DNAH6: variants seen among roughly 807,000 people sequenced by gnomAD.
DNAH6 encodes the protein axonemal beta dynein heavy chain 6.
A neutral mutation model predicts 491.4 loss-of-function variants in DNAH6; 340 were observed. The observed-to-expected ratio is 0.69, with a 90% confidence interval of 0.63 to 0.76. The LOEUF is 0.76. Among genes scored for constraint, DNAH6 ranks in the 30% least tolerant of loss-of-function variants. The pLI is 0.00. For missense variants in DNAH6, 4,443 were observed against 4,972.2 expected, an observed-to-expected ratio of 0.89 and a Z score of 3.20; for synonymous variants, 1,603 against 1,686.1, an observed-to-expected ratio of 0.95 and a Z score of 1.21.
intron 4 of DNAH6, among the ~76,000 whole-genome samples, chr2:84,537,274 T>C (rs1000715428): frequency 4.6e-5 from 7 of 152,086 alleles, no homozygotes; most frequent in Non-Finnish European, 8.8e-5. Context: ...TATAAATACC[T>C]TATGGGGAGT....
At chr2:84,804,569 C>G (rs1156377997) in intron 70 of DNAH6, among the ~76,000 whole-genome samples, 2 of 151,398 alleles carry the variant, frequency 1.3e-5, no homozygotes, top group Admixed American at 6.6e-5. Flanking sequence ...TTATATTTTT[C>G]TACCTTCAAA....
chr2:84,764,901 G>A (rs924990461), intron 64 of DNAH6, among the ~76,000 whole-genome samples: 35 of 151,946 alleles, frequency 2.3e-4, no homozygotes, highest in Admixed American at 1.3e-3. Flanking sequence ...CAGAAACATT[G>A]TTTGTAATAA....
intron 32 of DNAH6, 81 bp downstream of exon 32, chr2:84,640,659 C>T: frequency 7.6e-7 from 1 of 1,313,008 alleles, no homozygotes; most frequent in Non-Finnish European, 1.0e-6. Context: ...GAAAGGCTCT[C>T]AGAGAGTAAC....
At chr2:84,815,237 A>T (rs146637904) in intron 75 of DNAH6, among the ~76,000 whole-genome samples, 1 of 152,390 alleles carries the variant, frequency 6.6e-6, no homozygotes, top group Non-Finnish European at 1.5e-5. Flanking sequence ...TTTATTCACT[A>T]TAAAATGCAC....
chr2:84,616,849 C>A (rs773757460), intron 22 of DNAH6, 37 bp from the exon 23 acceptor site: 9 of 1,162,538 alleles, frequency 7.7e-6, no homozygotes, highest in African/African-American at 4.9e-5. Context: ...TTGATTTTAA[C>A]ACAGTTTTAC....
At chr2:84,656,825 G>A (rs1246224903) in intron 35 of DNAH6, among the ~76,000 whole-genome samples, 1 of 151,952 alleles carries the variant, frequency 6.6e-6, no homozygotes, top group Non-Finnish European at 1.5e-5. Flanking sequence ...GTGTTTCACA[G>A]AGTAGAAGTT....
intron 9 of DNAH6, among the ~76,000 whole-genome samples, chr2:84,552,635 C>A (rs1679507615): frequency 6.6e-6 from 1 of 152,098 alleles, no homozygotes; most frequent in Admixed American, 6.5e-5. Flanking sequence ...TATCAACTTT[C>A]TATCTTCTAT....
In DNAH6 at chr2:84,681,437, G is replaced by T. The variant is rs1693765055; in HGVS notation, c.6825G>T (p.Glu2275Asp). 1.9e-6 allele frequency: 3 copies of T among 1,551,348 alleles called. No individual in the cohort carries two copies. Among genetic ancestry groups the T allele is most frequent in the South Asian group, 2.4e-5 (2 of 83,964 alleles). ...CAAGCATTGTAGAAGCCTCAGTTGA[G>T]ATTTATAACAAAATGAGTGTTGACC... ...TASSIVEASV[E>D]IYNKMSVDLL... The change falls in exon 42 of 77, where the codon GAG (glutamate) becomes GAT (aspartate). Residue 2275 changes from glutamate (E) to aspartate (D), a missense_variant. Glu to Asp is a conservative substitution (Grantham distance 45). This residue lies in a region of DNAH6 where 2,977 missense variants were observed against 3,296.6 expected (regional missense o/e 0.90). Transcript: ENST00000389394.
At chr2:84,642,395 TTTG>T (rs1689497985) in intron 33 of DNAH6, among the ~76,000 whole-genome samples, 1 of 152,172 alleles carries the variant, frequency 6.6e-6, no homozygotes, top group Non-Finnish European at 1.5e-5. Context: ...CATTTTGTTG[TTTG>T]TTGTTTAGTT....
At chr2:84,530,171 A>G (rs1363930124) in intron 4 of DNAH6, among the ~76,000 whole-genome samples, 1 of 152,200 alleles carries the variant, frequency 6.6e-6, no homozygotes, top group Non-Finnish European at 1.5e-5. Flanking sequence ...CTGACATTTT[A>G]GCAGAGGATG....
At chr2:84,689,988 C>T (rs1242248939) in intron 45 of DNAH6, among the ~76,000 whole-genome samples, 15 of 152,172 alleles carry the variant, frequency 9.9e-5, no homozygotes, top group Non-Finnish European at 2.2e-4. Context: ...TTTCTTATTG[C>T]GTGTTGGAGA....
chr2:84,801,620 A>G (rs1678921135), intron 70 of DNAH6, among the ~76,000 whole-genome samples: 2 of 152,206 alleles, frequency 1.3e-5, no homozygotes, highest in Admixed American at 1.3e-4. Context: ...GCAGTGGCTC[A>G]TGCCTGTAAT....
chr2:84,531,799 A>C (rs1677199901), intron 4 of DNAH6, among the ~76,000 whole-genome samples: 1 of 152,126 alleles, frequency 6.6e-6, no homozygotes, highest in African/African-American at 2.4e-5. Flanking sequence ...AAGATGGAAG[A>C]ATTAACATAT....
the DNAH6 span, among the ~76,000 whole-genome samples, chr2:84,474,226 C>T: frequency 7.9e-5 from 12 of 152,278 alleles, no homozygotes; most frequent in African/African-American, 2.2e-4. Context: ...AATCTGTTAA[C>T]GTTCTCCATT....
chr2:84,704,902 AGG>A (rs1380401673), intron 51 of DNAH6, among the ~76,000 whole-genome samples: 16 of 152,184 alleles, frequency 1.1e-4, no homozygotes, highest in Non-Finnish European at 2.2e-4. Flanking sequence ...CATCACCACC[AGG>A]CTTCCAGGAG....
At chr2:84,817,917 C>T (rs1680648480) in intron 76 of DNAH6, among the ~76,000 whole-genome samples, 1 of 152,180 alleles carries the variant, frequency 6.6e-6, no homozygotes, top group South Asian at 2.1e-4. Context: ...TATTAATCTA[C>T]TCATCAGGGA....
At chr2:84,609,249 A>C (rs918175873) in intron 21 of DNAH6, among the ~76,000 whole-genome samples, 4 of 152,116 alleles carry the variant, frequency 2.6e-5, no homozygotes, top group African/African-American at 9.7e-5. Flanking sequence ...TTGCATTTTT[A>C]ATTTCCTTCA....
rs1377541485 is a variant in DNAH6 at position 84,670,546 on chromosome 2, T to G, written c.6454+71T>G. The G allele has an allele frequency of 2.9e-6, 3 of 1,044,310 alleles. No individual in the cohort carries two copies. The East Asian group carries it at 8.1e-5, about 28-fold the overall frequency. 64.7% of individuals were successfully genotyped at this position (1,044,310 alleles called of 1,614,324 possible). On this transcript the variant is annotated intron_variant, in intron 39 of 76. Transcript: ENST00000389394. ...GCTAATAAATGACATAAATAGTGCATGTAATAAAATGACAGTTGGATATTT... is the reference window on the plus strand; with the variant it reads ...GCTAATAAATGACATAAATAGTGCAGGTAATAAAATGACAGTTGGATATTT...
In DNAH6 at chr2:84,813,953, C is replaced by T. The variant is rs376803465; in HGVS notation, c.11999-18C>T. Reference sequence around the variant, plus strand: ...GCAGTGTTGTTTGAACGCAGCTTTCCGATTTTCACAATTACAGGAACTCTT... The same window carrying T: ...GCAGTGTTGTTTGAACGCAGCTTTCTGATTTTCACAATTACAGGAACTCTT... On this transcript the variant is annotated intron_variant, in intron 74 of 76. Coordinates refer to ENST00000389394, the MANE Select transcript of DNAH6 (RefSeq NM_001370.2). 1.1e-4 allele frequency: 167 copies of T among 1,551,276 alleles called. 1 individual carries two copies. The highest frequency in any genetic ancestry group is 3.9e-4 in the East Asian group (16 of 40,920).
Sources: gnomAD v4.1 joint callset for allele counts (sites outside exome capture counted in the v4.1 genomes callset) on GRCh38, gnomAD v4.1.1 for gene constraint, gnomAD v4.1.1 regional missense constraint, MANE v1.5 for transcripts, NCBI Gene and HGNC (gene_info 2026-07-23, HGNC 2026-07-21) for gene names.